CLNK: variants seen among roughly 807,000 people sequenced by gnomAD.
The protein encoded by CLNK is cytokine-dependent hematopoietic cell linker.
CLNK carries 74 observed loss-of-function variants against 68.6 expected under a neutral mutation model. The ratio of observed to expected loss-of-function variants is 1.08; its 90% confidence interval spans 0.89 to 1.31. The LOEUF (loss-of-function observed/expected upper bound fraction) is 1.31. Ranked by LOEUF, CLNK falls within the 50% of genes most tolerant of loss-of-function variation. The probability of loss-of-function intolerance (pLI) is 0.00; values close to 1 mark genes in which losing one functional copy is unlikely to be tolerated. For synonymous variants in CLNK, 198 were observed against 172.2 expected (o/e 1.15, Z -1.17); for missense variants, 553 against 515.3 (o/e 1.07, Z -0.71).
At chr4:10,730,983 C>T in the CLNK span, among the ~76,000 whole-genome samples, 5 of 152,162 alleles carry the variant, frequency 3.3e-5, no homozygotes, top group Admixed American at 6.5e-5. Flanking sequence ...CTTAGGTACA[C>T]GTGACATTGT....
intron 2 of CLNK, among the ~76,000 whole-genome samples, chr4:10,618,573 T>C (rs1163311685): frequency 6.6e-6 from 1 of 152,214 alleles, no homozygotes; most frequent in African/African-American, 2.4e-5. Flanking sequence ...AGAAATACCT[T>C]AGACTGGGTA....
chr4:10,723,882 CAGAGAGAGAG>C, the CLNK span, among the ~76,000 whole-genome samples: 60 of 70,936 alleles, frequency 8.5e-4, 2 homozygotes, highest in African/African-American at 1.9e-3. Flanking sequence ...ACACAGGAGT[CAGAGAGAGAG>C]AGAGAGAGAG....
At chr4:10,525,791 T>C in intron 14 of CLNK, 50 bp downstream of exon 14, 3 of 1,090,196 alleles carry the variant, frequency 2.8e-6, no homozygotes, top group Non-Finnish European at 4.1e-6. Context: ...AGACAGCACA[T>C]GGCCTGACCC....
At chr4:10,509,368 C>CATGG (rs1156673992) in intron 16 of CLNK, among the ~76,000 whole-genome samples, 15 of 152,226 alleles carry the variant, frequency 9.9e-5, no homozygotes, top group Admixed American at 4.6e-4. Flanking sequence ...CCATTTCAGC[C>CATGG]ATGGGCCTGG....
At chr4:10,709,001 A>G in the CLNK span, among the ~76,000 whole-genome samples, 3 of 152,222 alleles carry the variant, frequency 2.0e-5, no homozygotes, top group Non-Finnish European at 4.4e-5. Context: ...ATCAATTGAG[A>G]TGGACCTACC....
the CLNK span, among the ~76,000 whole-genome samples, chr4:10,695,759 G>C: frequency 6.6e-6 from 1 of 152,174 alleles, no homozygotes. Flanking sequence ...CGGAAGAGGA[G>C]AGGCATTTCC....
At chr4:10,705,501 T>G in the CLNK span, among the ~76,000 whole-genome samples, 1 of 152,302 alleles carries the variant, frequency 6.6e-6, no homozygotes, top group East Asian at 1.9e-4. Context: ...TCCAATTCCT[T>G]TCCTTCTTTC....
chr4:10,517,275 T>C (rs1717875628), intron 15 of CLNK: 1 of 151,850 alleles, frequency 6.6e-6, no homozygotes, highest in Non-Finnish European at 1.5e-5. Context: ...ATGAATCCAG[T>C]ATACAGCAGG....
intron 3 of CLNK, among the ~76,000 whole-genome samples, chr4:10,586,091 T>C (rs951525557): frequency 5.9e-5 from 9 of 152,272 alleles, no homozygotes; most frequent in African/African-American, 1.9e-4. Context: ...CTAATGCTGC[T>C]GCTGCTCCGA....
At chr4:10,562,081 A>G (rs1325909425) in intron 7 of CLNK, among the ~76,000 whole-genome samples, 1 of 141,534 alleles carries the variant, frequency 7.1e-6, no homozygotes, top group Non-Finnish European at 1.5e-5. Flanking sequence ...TTGAAGATTC[A>G]TTTCTTTTCT....
chr4:10,645,300 A>T (rs1292180081), intron 2 of CLNK, among the ~76,000 whole-genome samples: 1 of 152,214 alleles, frequency 6.6e-6, no homozygotes, highest in Non-Finnish European at 1.5e-5. Context: ...ATTTCATGTC[A>T]CTGTCCCCAG....
the CLNK span, among the ~76,000 whole-genome samples, chr4:10,728,852 G>A: frequency 6.6e-6 from 1 of 151,974 alleles, no homozygotes; most frequent in South Asian, 2.1e-4. Context: ...GCCCGCCTTG[G>A]CCTCCCAAAG....
chr4:10,564,247 G>A (rs1577132304), intron 7 of CLNK, among the ~76,000 whole-genome samples: 1 of 151,972 alleles, frequency 6.6e-6, no homozygotes, highest in South Asian at 2.1e-4. Context: ...GGTAGATAAA[G>A]TTACTAGGAG....
intron 2 of CLNK, among the ~76,000 whole-genome samples, chr4:10,616,796 A>G (rs1177360936): frequency 2.1e-3 from 25 of 11,966 alleles, no homozygotes; most frequent in African/African-American, 3.3e-3. Flanking sequence ...GTGTGTATAT[A>G]TATATATATA....
At chr4:10,666,951 T>G (rs531613083) in intron 2 of CLNK, among the ~76,000 whole-genome samples, 2 of 152,328 alleles carry the variant, frequency 1.3e-5, no homozygotes, top group Middle Eastern at 3.4e-3. Context: ...CTCCAGCCAG[T>G]GCCCACCTGC....
chr4:10,730,350 A>G, the CLNK span, among the ~76,000 whole-genome samples: 1 of 152,048 alleles, frequency 6.6e-6, no homozygotes, highest in African/African-American at 2.4e-5. Context: ...CCTCACCTTC[A>G]ATGTTGGTCT....
chr4:10,512,047 T>G lies in CLNK; in HGVS notation c.906+1417A>C, dbSNP rs137895614. ...AATCATAAAGGTATACTCAAATAGC[T>G]GAAATCAGGGAAATCCTGATGTGGT... On this transcript the variant is annotated intron_variant, in intron 16 of 18. Coordinates refer to ENST00000226951, the MANE Select transcript of CLNK (RefSeq NM_052964.4). 1.9e-3 allele frequency among the ~76,000 whole-genome samples: 284 copies of G among 152,258 alleles called. 2 individuals are homozygous for G. The highest frequency in any genetic ancestry group is 6.6e-3 in the African/African-American group (273 of 41,542).
At chr4:10,712,723 G>C in the CLNK span, among the ~76,000 whole-genome samples, 6 of 152,160 alleles carry the variant, frequency 3.9e-5, no homozygotes, top group African/African-American at 1.4e-4. Context: ...AGGGACAGTG[G>C]GAGGGACAAA....
chr4:10,513,677 C>A (rs1256776744), intron 15 of CLNK, 80 bp from the exon 16 acceptor site: 1 of 1,385,462 alleles, frequency 7.2e-7, no homozygotes, highest in Non-Finnish European at 9.7e-7. Flanking sequence ...GGAGCTGAAA[C>A]CCTTTGCTCC....
Sources: gnomAD v4.1 joint callset for allele counts (sites outside exome capture counted in the v4.1 genomes callset) on GRCh38, gnomAD v4.1.1 for gene constraint, MANE v1.5 for transcripts, NCBI Gene and HGNC (gene_info 2026-07-23, HGNC 2026-07-21) for gene names.